WDR93: variants seen among roughly 807,000 people sequenced by gnomAD.
WDR93 encodes the protein WD repeat domain 93.
A neutral mutation model predicts 82.9 loss-of-function variants in WDR93; 73 were observed. The ratio of observed to expected loss-of-function variants is 0.88; its 90% CI spans 0.73 to 1.07. WDR93 has a LOEUF of 1.07. WDR93 is among the 50% of genes least tolerant of loss of function. The probability of loss-of-function intolerance (pLI) is 0.00; values close to 1 mark genes in which losing one functional copy is unlikely to be tolerated. For synonymous variants in WDR93, 283 were observed against 300.1 expected (o/e 0.94, Z 0.59); for missense variants, 738 against 826.0 (o/e 0.89, Z 1.31).
At position 89,743,600 on chromosome 15, in the gene WDR93, A is replaced by G; in HGVS notation, c.*209A>G. The G allele has an allele frequency of 8.5e-6, 5 of 585,092 alleles. No individual in the cohort carries two copies. In the South Asian group the frequency reaches 1.0e-4, roughly 12 times the overall value. 36.2% of individuals were successfully genotyped at this position (585,092 alleles called of 1,614,324 possible). The stretch of plus-strand genomic sequence containing the variant: ...CTCTTGTCAGAGCCCTCAGGCAGGC[A>G]GATGTGTCACCCAAATAAACAGTGA... On this transcript the variant is annotated 3_prime_UTR_variant, in exon 17 of 17. Coordinates refer to ENST00000268130, the MANE Select transcript of WDR93 (RefSeq NM_020212.2).
intron 7 of WDR93, among the ~76,000 whole-genome samples, chr15:89,719,882 C>A (rs981810435): frequency 1.3e-5 from 2 of 151,918 alleles, no homozygotes; most frequent in African/African-American, 2.4e-5. Context: ...CTCACTGCAA[C>A]CTCCGTCTCC....
intron 14 of WDR93, among the ~76,000 whole-genome samples, chr15:89,737,093 AG>A (rs1775893338): frequency 6.6e-6 from 1 of 152,142 alleles, no homozygotes; most frequent in South Asian, 2.1e-4. Flanking sequence ...GCCCGGCCAA[AG>A]GGGACTTTCT....
rs778121376 is a variant in WDR93 at position 89,737,692 on chromosome 15, T to A, written c.1728T>A (p.Phe576Leu). The change falls in exon 15 of 17, where the codon TTT becomes TTA. Residue 576 changes from phenylalanine (F) to leucine (L), a missense_variant. Phe to Leu is a conservative substitution (Grantham distance 22). Transcript: ENST00000268130. Reference protein sequence around the residue: ...FPLEVPWKPVFAVSPDHPCFL... With the variant: ...FPLEVPWKPVLAVSPDHPCFL... Reference sequence around the variant, plus strand: ...TGGAGGTCCCCTGGAAGCCAGTGTTTGCTGTGTCTCCAGACCATCCATGTT... The same window carrying A: ...TGGAGGTCCCCTGGAAGCCAGTGTTAGCTGTGTCTCCAGACCATCCATGTT... The A allele has an allele frequency of 1.9e-6, 3 of 1,614,088 alleles. No homozygotes were observed. The highest frequency in any genetic ancestry group is 4.5e-5 in the East Asian group (2 of 44,896).
intron 13 of WDR93, 65 bp from the exon 14 acceptor site, chr15:89,735,425 A>G (rs1381997115): frequency 2.6e-6 from 4 of 1,524,192 alleles, no homozygotes; most frequent in Admixed American, 3.4e-5. Flanking sequence ...ATATGCCTAG[A>G]AGAGGATATC....
chr15:89,719,399 G>A (rs558572066), intron 7 of WDR93, among the ~76,000 whole-genome samples: 2 of 152,274 alleles, frequency 1.3e-5, no homozygotes, highest in Admixed American at 6.5e-5. Flanking sequence ...AATAGATAAA[G>A]CACTATTCAG....
At chr15:89,706,034 G>A (rs1965711417) in intron 4 of WDR93, among the ~76,000 whole-genome samples, 1 of 152,050 alleles carries the variant, frequency 6.6e-6, no homozygotes, top group South Asian at 2.1e-4. Context: ...TTCAAGACCA[G>A]CTCAAATATC....
intron 2 of WDR93, 74 bp downstream of exon 2, chr15:89,702,123 G>T (rs1231332992): frequency 6.8e-7 from 1 of 1,466,076 alleles, no homozygotes; most frequent in Admixed American, 2.4e-5. Flanking sequence ...CCTGATCCAG[G>T]AAGGAATTCC....
intron 7 of WDR93, among the ~76,000 whole-genome samples, chr15:89,718,555 G>A (rs887414113): frequency 6.6e-6 from 1 of 152,070 alleles, no homozygotes; most frequent in Non-Finnish European, 1.5e-5. Flanking sequence ...TTGAGCCCTG[G>A]AGTGGAGGCT....
chr15:89,690,431 T>C (rs1330456772), upstream of WDR93: 1 of 616,552 alleles, frequency 1.6e-6, no homozygotes, highest in East Asian at 2.9e-5. Flanking sequence ...GGGGCTCGGA[T>C]ACTAAACTCC....
chr15:89,703,980 T>G (rs532336854), intron 3 of WDR93: 1 of 151,900 alleles, frequency 6.6e-6, no homozygotes. Flanking sequence ...AACTATGCAG[T>G]CATTAAGGAG....
chr15:89,721,511 T>C (rs909464962), intron 7 of WDR93: 1 of 153,182 alleles, frequency 6.5e-6, no homozygotes, highest in African/African-American at 2.4e-5. Flanking sequence ...CTGTGATTGT[T>C]CCACTACACT....
upstream of WDR93, chr15:89,690,667 C>T (rs953305673): frequency 1.0e-4 from 157 of 1,525,560 alleles, no homozygotes; most frequent in Middle Eastern, 1.8e-4. Context: ...TCGCACGGGG[C>T]TCAGGCGTGG....
chr15:89,735,212 T>A (rs1967065269), intron 13 of WDR93, among the ~76,000 whole-genome samples: 1 of 152,186 alleles, frequency 6.6e-6, no homozygotes, highest in Non-Finnish European at 1.5e-5. Flanking sequence ...GCATCTTGCT[T>A]TGCAACATTG....
chr15:89,711,977 C>A, intron 4 of WDR93, 49 bp from the exon 5 acceptor site: 1 of 1,479,364 alleles, frequency 6.8e-7, no homozygotes, highest in East Asian at 2.3e-5. Flanking sequence ...GAAATACATT[C>A]TCTGTCAGCA....
Position 89,730,322 on chromosome 15 carries a change from CAA to C in WDR93, c.1210+573_1210+574del, listed in dbSNP as rs370652070. ...CCTGGGTGACAGAGCAAGACTATCTCAAAAAAAAAAAAAAAAAAAAAGAGAGA... is the reference window on the plus strand; with the variant it reads ...CCTGGGTGACAGAGCAAGACTATCTCAAAAAAAAAAAAAAAAAAAGAGAGA... On this transcript the variant is annotated intron_variant, in intron 11 of 16. Transcript: ENST00000268130. 1.8e-3 allele frequency among the ~76,000 whole-genome samples: 225 copies of C among 123,456 alleles called. 1 individual carries two copies. The highest frequency in any genetic ancestry group is 6.3e-3 in the African/African-American group (208 of 32,782). The allele number at this position is 123,456 out of a possible 152,430, so 81.0% of individuals were successfully genotyped here.
intron 2 of WDR93, 32 bp downstream of exon 2, chr15:89,702,081 G>C (rs1596071486): frequency 1.3e-6 from 2 of 1,569,406 alleles, no homozygotes; most frequent in Non-Finnish European, 8.7e-7. Flanking sequence ...AGGAGCCCCT[G>C]TTTCTCAGTT....
intron 14 of WDR93, among the ~76,000 whole-genome samples, 165 bp from the exon 15 acceptor site, chr15:89,737,408 G>A (rs1034143561): frequency 6.6e-6 from 1 of 152,336 alleles, no homozygotes; most frequent in Non-Finnish European, 1.5e-5. Flanking sequence ...AAGCACACAT[G>A]TGTGTGCAGG....
intron 16 of WDR93, among the ~76,000 whole-genome samples, chr15:89,740,597 G>A (rs1368652623): frequency 6.6e-6 from 1 of 152,144 alleles, no homozygotes; most frequent in Non-Finnish European, 1.5e-5. Context: ...TGCCTCCCGG[G>A]TTCAAGCGAT....
At chr15:89,742,444 G>A (rs951122193) in intron 16 of WDR93, among the ~76,000 whole-genome samples, 16 of 151,932 alleles carry the variant, frequency 1.1e-4, no homozygotes, top group Admixed American at 2.6e-4. Context: ...AAGCGTGCCC[G>A]TCTCTGTGTG....
Sources: allele counts gnomAD v4.1 joint callset (sites outside exome capture counted in the v4.1 genomes callset), GRCh38; gene constraint gnomAD v4.1.1; transcripts MANE v1.5; gene names NCBI Gene and HGNC (gene_info 2026-07-23, HGNC 2026-07-21).